Variants in UPRT observed in about 807,000 individuals in gnomAD.
UPRT encodes uracil phosphoribosyltransferase homolog.
UPRT carries 5 observed loss-of-function variants against 22.6 expected under a neutral mutation model. The observed-to-expected ratio is 0.22, with a 90% confidence interval of 0.12 to 0.47. UPRT has a LOEUF of 0.47. Among genes scored for constraint, UPRT ranks in the 20% least tolerant of loss-of-function variants. The probability of loss-of-function intolerance (pLI) is 0.99; values close to 1 mark genes in which losing one functional copy is unlikely to be tolerated. For synonymous variants in UPRT, 77 were observed against 87.7 expected (o/e 0.88, Z 0.68); for missense variants, 181 against 239.9 (o/e 0.75, Z 1.62).
intron 4 of UPRT, among the ~76,000 whole-genome samples, chrX:75,200,056 G>A (rs1018037951): frequency 8.9e-6 from 1 of 111,886 alleles, no homozygotes; most frequent in East Asian, 2.8e-4. Flanking sequence ...TTTACTAATG[G>A]TGGTTCAACC....
intron 4 of UPRT, among the ~76,000 whole-genome samples, chrX:75,249,179 T>C (rs1303801072): frequency 9.0e-6 from 1 of 111,426 alleles, no homozygotes; most frequent in East Asian, 2.8e-4. Context: ...GCTAACATCA[T>C]AATGACAGGA....
At chrX:75,232,725 CCTGT>C (rs1363823650) in intron 4 of UPRT, among the ~76,000 whole-genome samples, 2 of 112,097 alleles carry the variant, frequency 1.8e-5, no homozygotes, top group African/African-American at 6.5e-5. Flanking sequence ...AGCTGAGAGT[CCTGT>C]CTGTTAGAAA....
chrX:75,275,591 T>G (rs949688269), intron 1 of UPRT, among the ~76,000 whole-genome samples: 1 of 111,374 alleles, frequency 9.0e-6, no homozygotes, highest in Non-Finnish European at 1.9e-5. Context: ...CTCTTCCACA[T>G]GCACCCATAC....
At chrX:75,245,515 A>G (rs899270483) in intron 4 of UPRT, among the ~76,000 whole-genome samples, 1 of 112,141 alleles carries the variant, frequency 8.9e-6, no homozygotes, top group African/African-American at 3.2e-5. Context: ...AGCACTATTC[A>G]CAATAGAAAA....
intron 1 of UPRT, among the ~76,000 whole-genome samples, chrX:75,292,395 C>T (rs939036932): frequency 1.8e-5 from 2 of 111,537 alleles, no homozygotes; most frequent in Admixed American, 1.9e-4. Flanking sequence ...GACCTATATT[C>T]TTGCTGTTGC....
intron 4 of UPRT, among the ~76,000 whole-genome samples, chrX:75,174,195 G>C (rs960270943): frequency 8.9e-6 from 1 of 112,131 alleles, no homozygotes; most frequent in Non-Finnish European, 1.9e-5. Flanking sequence ...CCCAACTGCT[G>C]TTGGGAATTT....
At chrX:75,158,655 A>C (rs1261829234) in intron 1 of UPRT, among the ~76,000 whole-genome samples, 1 of 111,822 alleles carries the variant, frequency 8.9e-6, no homozygotes, top group African/African-American at 3.3e-5. Flanking sequence ...TGAGCAATTT[A>C]AGAAGGCCAC....
intron 4 of UPRT, among the ~76,000 whole-genome samples, chrX:75,246,281 T>A (rs1382395485): frequency 1.2e-5 from 1 of 80,095 alleles, no homozygotes; most frequent in Admixed American, 1.8e-4. Flanking sequence ...CAGGCCTCGG[T>A]GTGTGATGTT....
At chrX:75,252,214 G>T (rs1026716429) in intron 4 of UPRT, among the ~76,000 whole-genome samples, 2 of 111,946 alleles carry the variant, frequency 1.8e-5, no homozygotes, top group African/African-American at 3.3e-5. Context: ...TGACAAATGG[G>T]ATCTAATTCA....
At chrX:75,166,495 A>G (rs1336898789) in intron 3 of UPRT, among the ~76,000 whole-genome samples, 1 of 111,954 alleles carries the variant, frequency 8.9e-6, no homozygotes, top group African/African-American at 3.2e-5. Flanking sequence ...ATGAGACTAT[A>G]TAATAGCTTG....
chrX:75,240,819 A>G (rs1454864261), intron 4 of UPRT, among the ~76,000 whole-genome samples: 1 of 111,664 alleles, frequency 9.0e-6, no homozygotes, highest in Non-Finnish European at 1.9e-5. Flanking sequence ...AACAAAAACT[A>G]AAGTGGGGAA....
At chrX:75,262,136 T>A (rs1226924520) in intron 4 of UPRT, among the ~76,000 whole-genome samples, 1 of 111,564 alleles carries the variant, frequency 9.0e-6, no homozygotes, top group African/African-American at 3.3e-5. Flanking sequence ...TATTCAACAT[T>A]CTTAAAGAAA....
intron 4 of UPRT, among the ~76,000 whole-genome samples, chrX:75,192,181 A>T (rs1358913691): frequency 8.9e-6 from 1 of 111,741 alleles, no homozygotes; most frequent in East Asian, 2.8e-4. Flanking sequence ...TATCAGTTTC[A>T]AAGAACTTGA....
chrX:75,258,039 G>T (rs777024095), intron 4 of UPRT, among the ~76,000 whole-genome samples: 1 of 109,867 alleles, frequency 9.1e-6, no homozygotes, highest in East Asian at 2.9e-4. Flanking sequence ...GTGCCTTGAG[G>T]AATGGTGCAC....
chrX:75,214,739 G>T (rs1247573528), intron 4 of UPRT, among the ~76,000 whole-genome samples: 1 of 110,995 alleles, frequency 9.0e-6, no homozygotes, highest in Non-Finnish European at 1.9e-5. Context: ...GCAAGACCTT[G>T]GTTCTACAAA....
intron 4 of UPRT, among the ~76,000 whole-genome samples, chrX:75,172,792 G>A (rs764924817): frequency 5.0e-4 from 55 of 110,829 alleles, no homozygotes; most frequent in Non-Finnish European, 8.9e-4. Context: ...CGGTGGGCTC[G>A]TGGTCTCGCT....
At chrX:75,280,237 C>T (rs1280531110) in intron 1 of UPRT, among the ~76,000 whole-genome samples, 8 of 110,818 alleles carry the variant, frequency 7.2e-5, no homozygotes, top group African/African-American at 1.3e-4. Context: ...TGTCTGTTTA[C>T]TCTGCTGACT....
intron 4 of UPRT, among the ~76,000 whole-genome samples, chrX:75,192,711 G>T (rs905161969): frequency 1.8e-5 from 2 of 112,021 alleles, no homozygotes; most frequent in African/African-American, 6.5e-5. Flanking sequence ...TCACCATTCT[G>T]TAATACCCTT....
intron 4 of UPRT, among the ~76,000 whole-genome samples, chrX:75,233,435 A>T (rs2082447115): frequency 9.0e-6 from 1 of 111,013 alleles, no homozygotes; most frequent in Admixed American, 9.6e-5. Flanking sequence ...AATACAGAGA[A>T]TGCCACAGAG....
Sources: allele counts gnomAD v4.1 joint callset (sites outside exome capture counted in the v4.1 genomes callset), GRCh38; gene constraint gnomAD v4.1.1; transcripts MANE v1.5; gene names NCBI Gene and HGNC (gene_info 2026-07-23, HGNC 2026-07-21).